Variants in FAM107A observed in about 807,000 individuals in gnomAD.
FAM107A encodes family with sequence similarity 107 member A.
A neutral mutation model predicts 13.7 loss-of-function variants in FAM107A; 19 were observed. The observed-to-expected ratio is 1.38, with a 90% CI of 0.97 to 2.03. The LOEUF is 2.03. FAM107A is among the 30% of genes most tolerant of loss of function. The probability of loss-of-function intolerance (pLI) is 0.00; values close to 1 mark genes in which losing one functional copy is unlikely to be tolerated. For missense variants in FAM107A, 203 were observed against 184.4 expected, an observed-to-expected ratio of 1.10 and a Z score of -0.58; for synonymous variants, 82 against 74.5, an observed-to-expected ratio of 1.10 and a Z score of -0.52.
At position 58,599,937 on chromosome 3, in the gene FAM107A, A is replaced by G. The variant is rs566293778; in HGVS notation, c.-69-10668T>C. Among the ~76,000 whole-genome samples the G allele has an allele frequency of 2.0e-5, 3 of 151,758 alleles. No individual in the cohort carries two copies. The East Asian group carries it at 5.8e-4, about 29-fold the overall frequency. ...GTGATCCTCCCGCCTCAGCCTCCCA[A>G]AGTTCTGGGATTACAGACATGAGCC... On this transcript the variant is annotated intron_variant, in intron 1 of 3. Coordinates refer to the FAM107A transcript ENST00000465970.
At chr3:58,626,918 C>T in intron 1 of FAM107A, 5 of 1,522,858 alleles carry the variant, frequency 3.3e-6, no homozygotes, top group Non-Finnish European at 4.4e-6. Flanking sequence ...CTTGCTAGGT[C>T]CAGTCTCCCT....
At chr3:58,609,525 A>C (rs1000962676) in intron 1 of FAM107A, among the ~76,000 whole-genome samples, 3 of 152,190 alleles carry the variant, frequency 2.0e-5, no homozygotes, top group Non-Finnish European at 4.4e-5. Context: ...CTGAGCTGCT[A>C]TGCTCTAAAA....
chr3:58,566,566 G>T lies in FAM107A; in HGVS notation c.*22C>A. On this transcript the variant is annotated 3_prime_UTR_variant, in exon 4 of 4. Coordinates refer to ENST00000360997, the MANE Select transcript of FAM107A (RefSeq NM_001076778.3). Reference sequence around the variant, plus strand: ...GGCTGTCCAGGCCAGGGTGGGCAGTGGCCTGAGCCCGGCAGCTGGCCCTAC... The same window carrying T: ...GGCTGTCCAGGCCAGGGTGGGCAGTTGCCTGAGCCCGGCAGCTGGCCCTAC... 6.3e-7 allele frequency: 1 copy of T among 1,580,470 alleles called. No individual in the cohort carries two copies. Among genetic ancestry groups the T allele is most frequent in the Non-Finnish European group, 8.7e-7 (1 of 1,150,498 alleles).
chr3:58,624,822 C>T (rs1306839253), intron 1 of FAM107A, among the ~76,000 whole-genome samples: 1 of 152,240 alleles, frequency 6.6e-6, no homozygotes, highest in African/African-American at 2.4e-5. Context: ...TCTGCTTCAA[C>T]TTTCACACAT....
intron 1 of FAM107A, among the ~76,000 whole-genome samples, chr3:58,626,354 C>T (rs1345228652): frequency 6.6e-6 from 1 of 152,178 alleles, no homozygotes; most frequent in African/African-American, 2.4e-5. Context: ...ATGCTGTCTA[C>T]AAACCCCCAG....
At chr3:58,583,616 C>G (rs985302658) in intron 1 of FAM107A, among the ~76,000 whole-genome samples, 2 of 76,076 alleles carry the variant, frequency 2.6e-5, no homozygotes, top group Non-Finnish European at 5.9e-5. Context: ...GAGCAAAACT[C>G]TGTCAAAAAA....
chr3:58,579,589 C>T (rs1008630725), upstream of FAM107A, among the ~76,000 whole-genome samples: 2 of 152,174 alleles, frequency 1.3e-5, no homozygotes, highest in African/African-American at 4.8e-5. Context: ...ACACATCCTC[C>T]TGCTCTGCAA....
upstream of FAM107A, among the ~76,000 whole-genome samples, chr3:58,578,592 A>C (rs902585399): frequency 1.3e-5 from 2 of 152,186 alleles, no homozygotes; most frequent in Non-Finnish European, 2.9e-5. Flanking sequence ...CAAACAAACA[A>C]AAAAACCCAA....
At chr3:58,618,556 T>A (rs1165749825) in intron 1 of FAM107A, among the ~76,000 whole-genome samples, 2 of 152,354 alleles carry the variant, frequency 1.3e-5, no homozygotes, top group East Asian at 3.9e-4. Flanking sequence ...AATATTTTAT[T>A]CTTATTCGTG....
intron 1 of FAM107A, among the ~76,000 whole-genome samples, chr3:58,595,424 C>T (rs999780576): frequency 1.3e-5 from 2 of 152,120 alleles, no homozygotes; most frequent in African/African-American, 4.8e-5. Flanking sequence ...TTGTTCCTGC[C>T]CCACCTTAAC....
In FAM107A at chr3:58,622,959, G is replaced by A. The variant is rs141120522; in HGVS notation, c.-70+4457C>T. ...TCTCCTCAGAGAAGCCGTCTGAGGCGGTGGGCAGAGTCAGGGTGATGGGAT... is the reference window on the plus strand; with the variant it reads ...TCTCCTCAGAGAAGCCGTCTGAGGCAGTGGGCAGAGTCAGGGTGATGGGAT... On this transcript the variant is annotated intron_variant, in intron 1 of 3. Transcript: ENST00000465970. Among the ~76,000 whole-genome samples, 44 of 152,258 alleles carry A rather than the reference G, an allele frequency of 2.9e-4. No individual in the cohort carries two copies. In the East Asian group the frequency reaches 6.6e-3, roughly 23 times the overall value.
chr3:58,622,836 C>T (rs2065969525), intron 1 of FAM107A, among the ~76,000 whole-genome samples: 1 of 152,182 alleles, frequency 6.6e-6, no homozygotes, highest in South Asian at 2.1e-4. Flanking sequence ...ACACATTTCT[C>T]CTCTTGTCCT....
chr3:58,626,643 C>T (rs771475264), intron 1 of FAM107A, among the ~76,000 whole-genome samples: 2 of 152,192 alleles, frequency 1.3e-5, no homozygotes, highest in South Asian at 2.1e-4. Flanking sequence ...CCTGTATCCA[C>T]CTGCATCAGA....
In FAM107A at chr3:58,617,752, G is replaced by C. The variant is rs1277433482; in HGVS notation, c.-70+9664C>G. Among the ~76,000 whole-genome samples, 2 of 152,138 alleles carry C rather than the reference G, an allele frequency of 1.3e-5. No homozygotes were observed. The highest frequency in any genetic ancestry group is 4.8e-5 in the African/African-American group (2 of 41,440). Reference sequence around the variant, plus strand: ...CCTGAACTTTAGGCCCCTCTTCAGTGCTACTCCCAGGGGAGTGGAGCCACT... The same window carrying C: ...CCTGAACTTTAGGCCCCTCTTCAGTCCTACTCCCAGGGGAGTGGAGCCACT... On this transcript the variant is annotated intron_variant, in intron 1 of 3. Coordinates refer to the FAM107A transcript ENST00000465970. The surrounding 1 kb of genome is among the most constrained non-coding windows in gnomAD (Gnocchi z 4.5).
At chr3:58,616,334 A>C (rs567771246) in intron 1 of FAM107A, among the ~76,000 whole-genome samples, 48 of 152,220 alleles carry the variant, frequency 3.2e-4, no homozygotes, top group African/African-American at 8.7e-4. Flanking sequence ...CCAAGTACAG[A>C]GGTCCAGGGG....
intron 1 of FAM107A, among the ~76,000 whole-genome samples, chr3:58,583,057 G>A (rs761487201): frequency 2.6e-5 from 4 of 152,132 alleles, no homozygotes; most frequent in African/African-American, 4.8e-5. Flanking sequence ...CCTTGGCCTC[G>A]CAGAGCGTTG....
chr3:58,577,251 C>G lies in FAM107A; in HGVS notation c.-6+58G>C, dbSNP rs2108052303. 1 of 904,946 alleles carries G rather than the reference C, an allele frequency of 1.1e-6. No individual in the cohort carries two copies. Among genetic ancestry groups the G allele is most frequent in the Admixed American group, 6.2e-5 (1 of 16,196 alleles). The allele number at this position is 904,946 out of a possible 1,614,324, so 56.1% of individuals were successfully genotyped here. ...CGGGTCTGCCCTCCTTCCCTTCCAC[C>G]TCCTCCCGAACGGCACCGCTCTCAA... is the stretch of plus-strand genomic sequence containing the variant. On this transcript the variant is annotated intron_variant, in intron 1 of 3. Coordinates refer to ENST00000360997, the MANE Select transcript of FAM107A (RefSeq NM_001076778.3). This position sits in a 1 kb window ranked among gnomAD's most constrained non-coding sequence, Gnocchi z 4.9.
chr3:58,566,443 C>T lies in FAM107A; in HGVS notation c.*145G>A, dbSNP rs1360023629. ...CCCCAGCCTCCCAGGGAGAGCCAGG[C>T]CCTCTGGGGTGACACATTTCTACAG... On this transcript the variant is annotated 3_prime_UTR_variant, in exon 4 of 4. Coordinates refer to ENST00000360997, the MANE Select transcript of FAM107A (RefSeq NM_001076778.3). 14 of 637,226 alleles carry T rather than the reference C, an allele frequency of 2.2e-5. No individual in the cohort carries two copies. Among genetic ancestry groups the T allele is most frequent in the Non-Finnish European group, 3.8e-5 (14 of 370,330 alleles). 39.5% of individuals were successfully genotyped at this position (637,226 alleles called of 1,614,324 possible). A position where few individuals can be genotyped will look rare whatever the true frequency, so the allele number is the denominator to read the frequency against.
chr3:58,604,173 C>T lies in FAM107A; in HGVS notation c.-69-14904G>A, dbSNP rs1445412032. 6.6e-6 allele frequency among the ~76,000 whole-genome samples: 1 copy of T among 152,044 alleles called. No homozygotes were observed. Among genetic ancestry groups the T allele is most frequent in the Non-Finnish European group, 1.5e-5 (1 of 68,006 alleles). On this transcript the variant is annotated intron_variant, in intron 1 of 3. Coordinates refer to the FAM107A transcript ENST00000465970. The surrounding 1 kb of genome is among the most constrained non-coding windows in gnomAD (Gnocchi z 4.1). The stretch of plus-strand genomic sequence containing the variant: ...TCTGTAAAGGTCCCTGAAGATTGTA[C>T]TCTCGGTGGAGCTGGTTGCTAGGAG...
Sources: allele counts gnomAD v4.1 joint callset (sites outside exome capture counted in the v4.1 genomes callset), GRCh38; gene constraint gnomAD v4.1.1; non-coding constraint Gnocchi (gnomAD v3.1); transcripts MANE v1.5; gene names NCBI Gene and HGNC (gene_info 2026-07-23, HGNC 2026-07-21).